The following DCLK2 variants were observed in gnomAD, a reference collection of about 807,000 sequenced individuals.
The protein encoded by DCLK2 is doublecortin like kinase 2.
DCLK2 carries 31 observed loss-of-function variants against 78.4 expected under a neutral mutation model. That is an observed-to-expected ratio of 0.40 (90% CI 0.30 to 0.53). The LOEUF (loss-of-function observed/expected upper bound fraction) is 0.53, where lower values mean the gene tolerates loss of function less well. Ranked by LOEUF, DCLK2 falls within the 20% of genes least tolerant of loss-of-function variation. The pLI, the probability that DCLK2 is intolerant of heterozygous loss-of-function variation, is 0.61. For synonymous variants in DCLK2, 407 were observed against 374.9 expected, an observed-to-expected ratio of 1.09 and a Z score of -0.99; for missense variants, 872 against 973.7, an observed-to-expected ratio of 0.90 and a Z score of 1.39.
chr4:150,131,996 G>A (rs759857998), intron 2 of DCLK2, among the ~76,000 whole-genome samples: 4 of 152,106 alleles, frequency 2.6e-5, no homozygotes, highest in Non-Finnish European at 1.5e-5. Context: ...ACCAAGCCTC[G>A]GGCTGTATAT....
chr4:150,096,114 C>T (rs967673278), intron 1 of DCLK2, among the ~76,000 whole-genome samples: 5 of 152,254 alleles, frequency 3.3e-5, no homozygotes, highest in African/African-American at 7.2e-5. Flanking sequence ...TACTCTAATC[C>T]GGGAAGAAAC....
chr4:150,180,339 G>T (rs187048577), intron 2 of DCLK2, among the ~76,000 whole-genome samples: 2 of 152,116 alleles, frequency 1.3e-5, no homozygotes, highest in Non-Finnish European at 2.9e-5. Context: ...GCATAGTTAG[G>T]TATTCCATGC....
chr4:150,119,886 C>T (rs1381106646), intron 2 of DCLK2, among the ~76,000 whole-genome samples: 2 of 152,068 alleles, frequency 1.3e-5, no homozygotes, highest in South Asian at 4.1e-4. Context: ...TGCCAAAAGC[C>T]CTAAAAGTGA....
intron 4 of DCLK2, 44 bp downstream of exon 4, chr4:150,198,147 C>G: frequency 6.6e-7 from 1 of 1,509,868 alleles, no homozygotes; most frequent in Non-Finnish European, 9.1e-7. Flanking sequence ...AGGAACAGAT[C>G]ATTTTCCTTC....
rs1742187910 is a variant in DCLK2, at chr4:150,232,848, T to C, written c.1566+20T>C. On this transcript the variant is annotated intron_variant, in intron 10 of 15. Coordinates refer to ENST00000296550, the MANE Select transcript of DCLK2 (RefSeq NM_001040260.4). ...CTCTTGGTATGTCATCCCTGCTTTT[T>C]CTGTTCCAATGAATGCCTCTCTTCC... is the stretch of plus-strand genomic sequence containing the variant. 1.2e-6 allele frequency: 2 copies of C among 1,606,464 alleles called. No homozygotes were observed. Among genetic ancestry groups the C allele is most frequent in the African/African-American group, 2.7e-5 (2 of 74,896 alleles).
At chr4:150,214,953 CAAAAAAAA>C (rs60156550) in intron 5 of DCLK2, among the ~76,000 whole-genome samples, 1 of 86,474 alleles carries the variant, frequency 1.2e-5, no homozygotes, top group Non-Finnish European at 2.3e-5. Context: ...CAGAGTGTCT[CAAAAAAAA>C]AAAAAAAAAA....
At chr4:150,254,997 G>C (rs1489164238) in intron 15 of DCLK2, among the ~76,000 whole-genome samples, 3 of 152,170 alleles carry the variant, frequency 2.0e-5, no homozygotes. Flanking sequence ...TGACTGTTCA[G>C]CTTGAACTTG....
At chr4:150,175,840 T>C (rs964095023) in intron 2 of DCLK2, among the ~76,000 whole-genome samples, 3 of 152,162 alleles carry the variant, frequency 2.0e-5, no homozygotes, top group African/African-American at 4.8e-5. Context: ...CCTCTTGGCA[T>C]TGGAGAAGCC....
intron 1 of DCLK2, among the ~76,000 whole-genome samples, chr4:150,095,071 A>G (rs965210070): frequency 6.6e-5 from 10 of 152,262 alleles, no homozygotes; most frequent in African/African-American, 2.2e-4. Flanking sequence ...TTGTAAGCTC[A>G]GTACAAAAAG....
chr4:150,256,485 G>T lies in DCLK2; in HGVS notation c.*238G>T. The T allele has an allele frequency of 2.0e-6, 1 of 497,618 alleles. No homozygotes were observed. The highest frequency in any genetic ancestry group is 3.5e-6 in the Non-Finnish European group (1 of 288,908). 30.8% of individuals were successfully genotyped at this position (497,618 alleles called of 1,614,324 possible). A position where few individuals can be genotyped will look rare whatever the true frequency, so the allele number is the denominator to read the frequency against. On this transcript the variant is annotated 3_prime_UTR_variant, in exon 16 of 16. Transcript: ENST00000296550. The stretch of plus-strand genomic sequence containing the variant: ...GGCTGCATCCGTTCTGCCAACAGCT[G>T]TTCGGAGAGACTCGTTCCAGATCAT...
At chr4:150,104,063 A>C (rs1341687140) in intron 2 of DCLK2, among the ~76,000 whole-genome samples, 1 of 152,146 alleles carries the variant, frequency 6.6e-6, no homozygotes, top group East Asian at 1.9e-4. Flanking sequence ...GGGAAGACAC[A>C]TATAGAGACA....
chr4:150,246,522 G>T (rs1016422401), intron 12 of DCLK2, among the ~76,000 whole-genome samples: 1 of 152,162 alleles, frequency 6.6e-6, no homozygotes, highest in African/African-American at 2.4e-5. Context: ...GAAATTCCAA[G>T]AAAAGTTTGC....
At chr4:150,163,375 G>A (rs1486878602) in intron 2 of DCLK2, among the ~76,000 whole-genome samples, 2 of 151,884 alleles carry the variant, frequency 1.3e-5, no homozygotes, top group East Asian at 3.9e-4. Context: ...TCCAGCCTGG[G>A]TGACAGAGTG....
intron 2 of DCLK2, among the ~76,000 whole-genome samples, chr4:150,115,764 A>G (rs904799926): frequency 6.6e-6 from 1 of 152,100 alleles, no homozygotes; most frequent in African/African-American, 2.4e-5. Flanking sequence ...CTAGTGGTGT[A>G]CCGTTTTTAA....
chr4:150,166,753 A>G (rs1736112844), intron 2 of DCLK2, among the ~76,000 whole-genome samples: 1 of 129,086 alleles, frequency 7.7e-6, no homozygotes. Flanking sequence ...CTTTTTGTTC[A>G]TGCAATCTTT....
intron 4 of DCLK2, 61 bp from the exon 5 acceptor site, chr4:150,203,734 T>C (rs982293007): frequency 1.5e-6 from 2 of 1,372,998 alleles, no homozygotes; most frequent in Non-Finnish European, 2.1e-6. Context: ...AGTGTATTTA[T>C]ACAGTCTGGT....
chr4:150,245,741 C>T (rs1319679243), intron 12 of DCLK2, among the ~76,000 whole-genome samples: 1 of 152,154 alleles, frequency 6.6e-6, no homozygotes, highest in Non-Finnish European at 1.5e-5. Flanking sequence ...TGTATATGTG[C>T]CACATTTTCT....
chr4:150,150,357 G>A (rs2150227809), intron 2 of DCLK2, among the ~76,000 whole-genome samples: 1 of 152,290 alleles, frequency 6.6e-6, no homozygotes, highest in East Asian at 1.9e-4. Context: ...CCTGTGAAGT[G>A]ATGGTGATAG....
At chr4:150,242,786 A>G (rs938010304) in intron 12 of DCLK2, among the ~76,000 whole-genome samples, 3 of 152,202 alleles carry the variant, frequency 2.0e-5, no homozygotes, top group African/African-American at 7.2e-5. Flanking sequence ...ATCAAGTCAA[A>G]CAGCTAACCC....
Sources: allele counts gnomAD v4.1 joint callset (sites outside exome capture counted in the v4.1 genomes callset), GRCh38; gene constraint gnomAD v4.1.1; transcripts MANE v1.5; gene names NCBI Gene and HGNC (gene_info 2026-07-23, HGNC 2026-07-21).